PRUNE2: variants seen among roughly 807,000 people sequenced by gnomAD.
PRUNE2 encodes the protein protein prune homolog 2.
PRUNE2 carries 164 observed loss-of-function variants against 252.0 expected under a neutral mutation model. The ratio of observed to expected loss-of-function variants is 0.65; its 90% CI spans 0.57 to 0.74. The LOEUF (loss-of-function observed/expected upper bound fraction) is 0.74, where lower values mean the gene tolerates loss of function less well. PRUNE2 is among the 30% of genes least tolerant of loss of function. The pLI is 0.00. For synonymous variants in PRUNE2, 1,292 were observed against 1,350.2 expected, an observed-to-expected ratio of 0.96 and a Z score of 0.94; for missense variants, 3,495 against 3,711.0, an observed-to-expected ratio of 0.94 and a Z score of 1.51.
rs190484408 is a variant in PRUNE2 at position 76,832,503 on chromosome 9, T to C, written c.509-5771A>G. On this transcript the variant is annotated intron_variant, in intron 4 of 18. Coordinates refer to ENST00000376718, the MANE Select transcript of PRUNE2 (RefSeq NM_015225.3). ...CTCATGGTAAAAGAAGAAATCACAATGTAAATCAGAATATATAATACTTTT... is the reference window on the plus strand; with the variant it reads ...CTCATGGTAAAAGAAGAAATCACAACGTAAATCAGAATATATAATACTTTT... 2.6e-5 allele frequency among the ~76,000 whole-genome samples: 4 copies of C among 152,158 alleles called. No homozygotes were observed. The East Asian group carries it at 5.8e-4, about 22-fold the overall frequency.
intron 6 of PRUNE2, among the ~76,000 whole-genome samples, chr9:76,780,766 G>C (rs2131191686): frequency 6.6e-6 from 1 of 152,284 alleles, no homozygotes; most frequent in East Asian, 1.9e-4. Context: ...TTTGTTTTCA[G>C]ATGTGGTAGG....
At chr9:76,634,502 A>C (rs1587927013) in intron 15 of PRUNE2, among the ~76,000 whole-genome samples, 1 of 142,106 alleles carries the variant, frequency 7.0e-6, no homozygotes, top group Admixed American at 7.5e-5. Flanking sequence ...GCTGAGCTTC[A>C]GCAATCACAG....
intron 1 of PRUNE2, among the ~76,000 whole-genome samples, chr9:76,892,192 A>G (rs1049514182): frequency 6.6e-6 from 1 of 152,176 alleles, no homozygotes; most frequent in African/African-American, 2.4e-5. Context: ...TCCACAATGT[A>G]TACCATCAGG....
At position 76,838,013 on chromosome 9, in the gene PRUNE2, T is replaced by C. The variant is rs557304045; in HGVS notation, c.508+8502A>G. 1.5e-3 allele frequency among the ~76,000 whole-genome samples: 228 copies of C among 152,050 alleles called. No individual in the cohort carries two copies. In the Middle Eastern group the frequency reaches 0.02, roughly 14 times the overall value. On this transcript the variant is annotated intron_variant, in intron 4 of 18. Coordinates refer to ENST00000376718, the MANE Select transcript of PRUNE2 (RefSeq NM_015225.3). Reference sequence around the variant, plus strand: ...GTCTCGATCTCCTGACCTCGTGATCTGCCCGCCTCAGCCTCCCAAAATGCT... The same window carrying C: ...GTCTCGATCTCCTGACCTCGTGATCCGCCCGCCTCAGCCTCCCAAAATGCT...
chr9:76,616,032 T>G (rs932423127), intron 18 of PRUNE2, among the ~76,000 whole-genome samples: 2 of 149,888 alleles, frequency 1.3e-5, no homozygotes, highest in African/African-American at 5.0e-5. Context: ...CCTCCCAAAG[T>G]GCTGGGATTA....
chr9:76,787,273 T>G (rs1354078867), intron 6 of PRUNE2: 1 of 151,748 alleles, frequency 6.6e-6, no homozygotes, highest in Non-Finnish European at 1.5e-5. Context: ...TCTTTATTAT[T>G]ATTATTTTCT....
At chr9:76,892,379 A>G (rs1053930521) in intron 1 of PRUNE2, among the ~76,000 whole-genome samples, 1 of 152,222 alleles carries the variant, frequency 6.6e-6, no homozygotes, top group Non-Finnish European at 1.5e-5. Flanking sequence ...AAAGATGTAT[A>G]AAGAAGCTTA....
intron 1 of PRUNE2, among the ~76,000 whole-genome samples, chr9:76,855,552 A>G (rs1333335799): frequency 6.6e-6 from 1 of 152,230 alleles, no homozygotes. Context: ...CTGGTATCAG[A>G]GTCAAACGCA....
intron 6 of PRUNE2, among the ~76,000 whole-genome samples, chr9:76,751,782 A>G (rs978541345): frequency 6.6e-6 from 1 of 152,238 alleles, no homozygotes. Context: ...ATAGAAAAGA[A>G]AGGATAGGGC....
chr9:76,682,519 G>A lies in PRUNE2; in HGVS notation c.8276+20818C>T, dbSNP rs376644156. Among the ~76,000 whole-genome samples the A allele has an allele frequency of 7.2e-5, 11 of 151,734 alleles. No homozygotes were observed. In the East Asian group the frequency reaches 1.7e-3, roughly 24 times the overall value. On this transcript the variant is annotated intron_variant, in intron 9 of 18. Coordinates refer to ENST00000376718, the MANE Select transcript of PRUNE2 (RefSeq NM_015225.3). ...TGGGATTACAGGTATGCGCCACCCC[G>A]CCCGACTAATTTTTTGTATTTTTAG...
chr9:76,665,719 A>G (rs1217218209), intron 9 of PRUNE2, among the ~76,000 whole-genome samples: 1 of 152,140 alleles, frequency 6.6e-6, no homozygotes, highest in Non-Finnish European at 1.5e-5. Context: ...GTCTCACCAC[A>G]TAGTGAAACT....
At chr9:76,654,545 T>C (rs905530720) in intron 10 of PRUNE2, among the ~76,000 whole-genome samples, 5 of 152,212 alleles carry the variant, frequency 3.3e-5, no homozygotes, top group African/African-American at 9.6e-5. Context: ...ATGAGGCTAG[T>C]GCAACTGAAG....
At position 76,707,075 on chromosome 9, in the gene PRUNE2, C is replaced by T. The variant is rs2046365296; in HGVS notation, c.5199G>A (p.Lys1733=). ...SNKFLVTADP[K]SENIYDYLDS... ...CTAGGTAGTCATAAATATTTTCAGA[C>T]TTAGGATCAGCTGTGACCAAGAACT... Residue 1733 remains lysine (K), a synonymous_variant, in exon 8 of 19, where the codon AAG becomes AAA. Coordinates refer to ENST00000376718, the MANE Select transcript of PRUNE2 (RefSeq NM_015225.3). 1.9e-6 allele frequency: 3 copies of T among 1,613,826 alleles called. No homozygotes were observed. The highest frequency in any genetic ancestry group is 2.7e-5 in the African/African-American group (2 of 74,908).
At chr9:76,624,164 T>C (rs1833663321) in intron 17 of PRUNE2, among the ~76,000 whole-genome samples, 1 of 152,200 alleles carries the variant, frequency 6.6e-6, no homozygotes, top group Non-Finnish European at 1.5e-5. Context: ...ACACTATATG[T>C]GGCAGTGCCT....
chr9:76,802,884 A>G (rs769979888), intron 6 of PRUNE2, among the ~76,000 whole-genome samples: 12 of 152,126 alleles, frequency 7.9e-5, no homozygotes, highest in Non-Finnish European at 8.8e-5. Context: ...CCCTGGACAT[A>G]TTGGTTTTTA....
At chr9:76,865,275 T>C (rs1031773802) in intron 1 of PRUNE2, among the ~76,000 whole-genome samples, 2 of 152,334 alleles carry the variant, frequency 1.3e-5, no homozygotes, top group African/African-American at 4.8e-5. Context: ...GGAGGACTGC[T>C]TGAGGTCAGG....
chr9:76,613,312 T>C lies in PRUNE2; in HGVS notation c.*1258A>G, dbSNP rs2131755553. 2 of 152,308 alleles carry C rather than the reference T, an allele frequency of 1.3e-5. No homozygotes were observed. The highest frequency in any genetic ancestry group is 6.8e-3 in the Middle Eastern group (2 of 294). The allele number at this position is 152,308 out of a possible 1,614,324, so 9.4% of individuals were successfully genotyped here. A position where few individuals can be genotyped will look rare whatever the true frequency, so the allele number is the denominator to read the frequency against. On this transcript the variant is annotated 3_prime_UTR_variant, in exon 19 of 19. Transcript: ENST00000376718. The stretch of plus-strand genomic sequence containing the variant: ...ACTTTTTCTGTAAACATAGTCAATG[T>C]TTTAGGCATTGTGGGACATACGGTC...
At position 76,850,680 on chromosome 9, in the gene PRUNE2, G is replaced by C; in HGVS notation, c.142-15C>G. The C allele has an allele frequency of 6.3e-7, 1 of 1,584,610 alleles. No individual in the cohort carries two copies. On this transcript the variant is annotated splice_polypyrimidine_tract_variant and intron_variant, in intron 2 of 18. Transcript: ENST00000376718. ...GGTGGACTGACCTACCAAGAAAAAA[G>C]TTGACTGAATTACTGAAAATAGCAG...
intron 6 of PRUNE2, chr9:76,779,533 T>A (rs1191465883): frequency 1.3e-5 from 2 of 152,206 alleles, no homozygotes; most frequent in Admixed American, 1.3e-4. Context: ...AGAGAAAGTT[T>A]TAGAATCTCA....
Sources: allele counts gnomAD v4.1 joint callset (sites outside exome capture counted in the v4.1 genomes callset), GRCh38; gene constraint gnomAD v4.1.1; transcripts MANE v1.5; gene names NCBI Gene and HGNC (gene_info 2026-07-23, HGNC 2026-07-21).